TMEM132C: variants seen among roughly 807,000 people sequenced by gnomAD.
TMEM132C encodes protein phosphatase 1, regulatory subunit 152.
Under a neutral mutation model 61.4 loss-of-function variants are expected in TMEM132C, and 29 were observed. That is an observed-to-expected ratio of 0.47 (90% CI 0.35 to 0.64). TMEM132C has a LOEUF of 0.64. TMEM132C is among the 30% of genes least tolerant of loss of function. The pLI, the probability that TMEM132C is intolerant of heterozygous loss-of-function variation, is 0.00. For missense variants in TMEM132C, 1,408 were observed against 1,476.9 expected, an observed-to-expected ratio of 0.95 and a Z score of 0.76; for synonymous variants, 656 against 633.1, an observed-to-expected ratio of 1.04 and a Z score of -0.54.
intron 1 of TMEM132C, chr12:128,288,551 A>T (rs1346244853): frequency 6.6e-6 from 1 of 152,320 alleles, no homozygotes; most frequent in East Asian, 1.9e-4. Context: ...TGGGACAGCC[A>T]CATGGGCACA....
intron 4 of TMEM132C, among the ~76,000 whole-genome samples, chr12:128,665,979 G>A (rs111205213): frequency 0.12 from 6,335 of 52,240 alleles, 524 homozygotes; most frequent in African/African-American, 0.32. Context: ...ACATGTACCC[G>A]TAAACACACA....
chr12:128,619,287 G>T (rs890411567), intron 4 of TMEM132C, among the ~76,000 whole-genome samples: 6 of 152,180 alleles, frequency 3.9e-5, no homozygotes, highest in Admixed American at 3.9e-4. Flanking sequence ...GGAAGTTCTT[G>T]CCTTAAAATC....
intron 4 of TMEM132C, among the ~76,000 whole-genome samples, chr12:128,625,250 G>A (rs1044760818): frequency 1.3e-5 from 2 of 152,162 alleles, no homozygotes; most frequent in African/African-American, 4.8e-5. Context: ...ATAAATAGTG[G>A]ACATTTACTG....
At chr12:128,505,285 A>G (rs1408375345) in intron 2 of TMEM132C, among the ~76,000 whole-genome samples, 1 of 152,188 alleles carries the variant, frequency 6.6e-6, no homozygotes, top group Non-Finnish European at 1.5e-5. Context: ...CACCAGAGAC[A>G]AGATAGATTG....
rs1026314011 is a variant in TMEM132C, at chr12:128,630,620, G to A, written c.1305+14285G>A. On this transcript the variant is annotated intron_variant, in intron 4 of 8. Coordinates refer to ENST00000435159, the MANE Select transcript of TMEM132C (RefSeq NM_001136103.3). The surrounding 1 kb of genome is among the most constrained non-coding windows in gnomAD (Gnocchi z 4.3). ...CCTCTCCATCGTCCATGTTCCCTCTGGGCGGTCATGCCCAGAGGCTCGGGA... is the reference window on the plus strand; with the variant it reads ...CCTCTCCATCGTCCATGTTCCCTCTAGGCGGTCATGCCCAGAGGCTCGGGA... Among the ~76,000 whole-genome samples the A allele has an allele frequency of 5.3e-5, 8 of 152,170 alleles. No homozygotes were observed. Among genetic ancestry groups the A allele is most frequent in the African/African-American group, 1.9e-4 (8 of 41,428 alleles).
rs538695945 is a variant in TMEM132C at position 128,542,332 on chromosome 12, G to A, written c.975-1625G>A. 5.3e-5 allele frequency among the ~76,000 whole-genome samples: 8 copies of A among 152,144 alleles called. No homozygotes were observed. In the East Asian group the frequency reaches 1.5e-3, roughly 29 times the overall value. ...ATTATTATAATTATCTTGAGTTGGA[G>A]CCTTGCTCTGTTGCCCAGGCTGGAG... On this transcript the variant is annotated intron_variant, in intron 2 of 8. Coordinates refer to ENST00000435159, the MANE Select transcript of TMEM132C (RefSeq NM_001136103.3).
intron 4 of TMEM132C, among the ~76,000 whole-genome samples, chr12:128,625,374 G>A (rs1163241957): frequency 6.6e-6 from 1 of 152,164 alleles, no homozygotes; most frequent in Non-Finnish European, 1.5e-5. Flanking sequence ...GGTGGAATGG[G>A]CAAATGAGCT....
At chr12:128,425,277 C>A (rs1044889837) in intron 2 of TMEM132C, among the ~76,000 whole-genome samples, 5 of 152,252 alleles carry the variant, frequency 3.3e-5, no homozygotes, top group Admixed American at 1.3e-4. Flanking sequence ...TACACCCCAT[C>A]CCCTGCCCCT....
At chr12:128,417,976 T>C (rs911919408) in intron 2 of TMEM132C, among the ~76,000 whole-genome samples, 2 of 152,132 alleles carry the variant, frequency 1.3e-5, no homozygotes, top group Admixed American at 6.6e-5. Context: ...TTAGTCACAT[T>C]AAAGGGTACT....
At position 128,564,865 on chromosome 12, in the gene TMEM132C, CA is replaced by C. The variant is rs562998612; in HGVS notation, c.1121+20763del. On this transcript the variant is annotated intron_variant, in intron 3 of 8. Coordinates refer to ENST00000435159, the MANE Select transcript of TMEM132C (RefSeq NM_001136103.3). ...GGGAGGCAGCTTCTGACATGGTCTC[CA>C]GGGATCCCCCCTTCCTGGTAGTCAT... Among the ~76,000 whole-genome samples the C allele has an allele frequency of 3.9e-5, 6 of 152,280 alleles. No homozygotes were observed. In the South Asian group the frequency reaches 1.0e-3, roughly 26 times the overall value.
At chr12:128,643,365 C>T (rs1019240832) in intron 4 of TMEM132C, among the ~76,000 whole-genome samples, 1 of 152,204 alleles carries the variant, frequency 6.6e-6, no homozygotes, top group Non-Finnish European at 1.5e-5. Context: ...TGGGCATACC[C>T]ATTTGATGTG....
chr12:128,627,756 T>G (rs1954029628), intron 4 of TMEM132C, among the ~76,000 whole-genome samples: 1 of 152,200 alleles, frequency 6.6e-6, no homozygotes, highest in African/African-American at 2.4e-5. Context: ...CCCCCCGCCC[T>G]GCAGCTCTGC....
chr12:128,532,237 TG>T (rs1164191171), intron 2 of TMEM132C, among the ~76,000 whole-genome samples: 2 of 152,216 alleles, frequency 1.3e-5, no homozygotes, highest in Non-Finnish European at 2.9e-5. Flanking sequence ...TTGTAAATTT[TG>T]TTTTCTATAG....
chr12:128,310,594 CT>C (rs1871935645), intron 1 of TMEM132C, among the ~76,000 whole-genome samples: 1 of 152,138 alleles, frequency 6.6e-6, no homozygotes, highest in African/African-American at 2.4e-5. Context: ...GAGTGAGAAC[CT>C]GTTCATCACC....
chr12:128,418,038 C>T (rs2041429571), intron 2 of TMEM132C, among the ~76,000 whole-genome samples: 1 of 152,102 alleles, frequency 6.6e-6, no homozygotes, highest in Non-Finnish European at 1.5e-5. Context: ...CGATCTTTGC[C>T]ATCACAGATC....
At chr12:128,420,012 G>A (rs1379523720) in intron 2 of TMEM132C, among the ~76,000 whole-genome samples, 2 of 151,982 alleles carry the variant, frequency 1.3e-5, no homozygotes, top group Non-Finnish European at 2.9e-5. Context: ...AGCCAACGTG[G>A]TGAAACCCTG....
intron 2 of TMEM132C, among the ~76,000 whole-genome samples, chr12:128,533,087 C>G (rs1873378050): frequency 6.6e-6 from 1 of 152,122 alleles, no homozygotes; most frequent in East Asian, 1.9e-4. Context: ...TGTGCCATGC[C>G]TTTGTATGCA....
At chr12:128,490,927 A>T (rs1435147099) in intron 2 of TMEM132C, among the ~76,000 whole-genome samples, 1 of 152,158 alleles carries the variant, frequency 6.6e-6, no homozygotes, top group Non-Finnish European at 1.5e-5. Flanking sequence ...TCATTGCCTT[A>T]TCTCATTTAA....
At chr12:128,308,045 G>A (rs1238277487) in intron 1 of TMEM132C, among the ~76,000 whole-genome samples, 1 of 152,224 alleles carries the variant, frequency 6.6e-6, no homozygotes, top group East Asian at 1.9e-4. Flanking sequence ...GGCAAGGAAT[G>A]TCTGTCCTTG....
Sources: gnomAD v4.1 joint callset for allele counts (sites outside exome capture counted in the v4.1 genomes callset) on GRCh38, gnomAD v4.1.1 for gene constraint, Gnocchi (gnomAD v3.1) non-coding constraint, MANE v1.5 for transcripts, NCBI Gene and HGNC (gene_info 2026-07-23, HGNC 2026-07-21) for gene names.